Variants in TRPM3 observed in about 807,000 individuals in gnomAD.
TRPM3 encodes long transient receptor potential channel 3.
A neutral mutation model predicts 181.2 loss-of-function variants in TRPM3; 77 were observed. That is an observed-to-expected ratio of 0.42 (90% CI 0.35 to 0.51). TRPM3 has a LOEUF of 0.51. TRPM3 is among the 20% of genes least tolerant of loss of function. TRPM3 has a pLI of 0.01. For missense variants in TRPM3, 1,759 were observed against 2,196.7 expected (o/e 0.80, Z 3.98); for synonymous variants, 745 against 796.4 (o/e 0.94, Z 1.09).
At chr9:71,090,078 C>T (rs2065940813) in intron 1 of TRPM3, among the ~76,000 whole-genome samples, 1 of 152,150 alleles carries the variant, frequency 6.6e-6, no homozygotes, top group Non-Finnish European at 1.5e-5. Flanking sequence ...GACAAGCTTG[C>T]CCTACATTAA....
chr9:70,653,677 C>CAA (rs71507003), intron 9 of TRPM3, among the ~76,000 whole-genome samples: 16 of 103,074 alleles, frequency 1.6e-4, no homozygotes, highest in Admixed American at 2.1e-4. Context: ...CTTCCTGTCT[C>CAA]AAAAAAAAAA....
intron 1 of TRPM3, among the ~76,000 whole-genome samples, chr9:71,350,147 T>C (rs2132660400): frequency 6.6e-6 from 1 of 152,226 alleles, no homozygotes; most frequent in East Asian, 1.9e-4. Context: ...TTGTCCTATC[T>C]GGAGAAATCA....
intron 1 of TRPM3, among the ~76,000 whole-genome samples, chr9:71,314,262 TATC>T (rs2088315175): frequency 6.6e-6 from 1 of 152,132 alleles, no homozygotes; most frequent in Admixed American, 6.6e-5. Context: ...AGAACACAGT[TATC>T]ATATGATTTT....
chr9:70,957,330 C>T lies in TRPM3; in HGVS notation c.178-92819G>A, dbSNP rs779402875. ...TGTACAATTGCAACAACAAAGTCAT[C>T]TTAGAAGGAGAACCCATGAACTGTG... is the stretch of plus-strand genomic sequence containing the variant. On this transcript the variant is annotated intron_variant, in intron 1 of 25. Coordinates refer to ENST00000677713, the MANE Select transcript of TRPM3 (RefSeq NM_001366145.2). Among the ~76,000 whole-genome samples the T allele has an allele frequency of 1.0e-3, 155 of 152,118 alleles. 1 individual carries two copies. The highest frequency in any genetic ancestry group is 1.3e-3 in the Non-Finnish European group (90 of 68,008).
intron 1 of TRPM3, among the ~76,000 whole-genome samples, chr9:70,905,373 A>G (rs1023513630): frequency 1.1e-4 from 17 of 152,208 alleles, no homozygotes; most frequent in African/African-American, 3.6e-4. Flanking sequence ...ATGTAATGAA[A>G]AGTCTCTCTC....
intron 22 of TRPM3, among the ~76,000 whole-genome samples, chr9:70,590,018 T>A (rs765063721): frequency 2.0e-5 from 3 of 152,172 alleles, no homozygotes; most frequent in Non-Finnish European, 4.4e-5. Context: ...CCCTAATCCA[T>A]GTCCACAGTC....
intron 1 of TRPM3, among the ~76,000 whole-genome samples, chr9:71,278,887 T>C (rs1007321862): frequency 6.6e-6 from 1 of 151,962 alleles, no homozygotes; most frequent in East Asian, 1.9e-4. Context: ...AAAATACCAG[T>C]GCCCAACAAG....
chr9:71,350,023 G>A (rs1264450216), intron 1 of TRPM3, among the ~76,000 whole-genome samples: 2 of 148,726 alleles, frequency 1.3e-5, no homozygotes, highest in Admixed American at 6.7e-5. Context: ...AATGACCTGT[G>A]TAGAAGTTAA....
intron 1 of TRPM3, among the ~76,000 whole-genome samples, chr9:71,382,032 A>G (rs187219752): frequency 2.1e-4 from 32 of 152,264 alleles, no homozygotes; most frequent in South Asian, 1.2e-3. Context: ...GAATAGATAA[A>G]TGCATGCATG....
Position 71,060,196 on chromosome 9 carries a change from C to T in TRPM3, c.177+60982G>A, listed in dbSNP as rs74987421. On this transcript the variant is annotated intron_variant, in intron 1 of 25. Coordinates refer to ENST00000677713, the MANE Select transcript of TRPM3 (RefSeq NM_001366145.2). Reference sequence around the variant, plus strand: ...ATAGGATTCCTTTTGAAGCAGTGACCTCCCAGGGACCAGCTTTCTACCATA... The same window carrying T: ...ATAGGATTCCTTTTGAAGCAGTGACTTCCCAGGGACCAGCTTTCTACCATA... Among the ~76,000 whole-genome samples, 263 of 152,170 alleles carry T rather than the reference C, an allele frequency of 1.7e-3. 2 individuals are homozygous for T. The highest frequency in any genetic ancestry group is 5.8e-3 in the African/African-American group (240 of 41,544).
intron 1 of TRPM3, among the ~76,000 whole-genome samples, chr9:71,367,225 G>A (rs2092363539): frequency 6.6e-6 from 1 of 152,152 alleles, no homozygotes; most frequent in Non-Finnish European, 1.5e-5. Flanking sequence ...ATGATCAAGA[G>A]CAACCATGTA....
intron 1 of TRPM3, among the ~76,000 whole-genome samples, chr9:71,138,581 C>G (rs2074911690): frequency 6.6e-6 from 1 of 151,356 alleles, no homozygotes; most frequent in Non-Finnish European, 1.5e-5. Context: ...AATAATAGGT[C>G]CAATTGTTGA....
At chr9:71,204,325 C>T (rs2078991798) in intron 1 of TRPM3, among the ~76,000 whole-genome samples, 1 of 151,536 alleles carries the variant, frequency 6.6e-6, no homozygotes, top group East Asian at 1.9e-4. Context: ...TGACATAGGG[C>T]TAATATCCAG....
At chr9:70,657,582 G>A (rs1320463605) in intron 9 of TRPM3, among the ~76,000 whole-genome samples, 1 of 152,050 alleles carries the variant, frequency 6.6e-6, no homozygotes, top group Non-Finnish European at 1.5e-5. Context: ...CAATTCCTAT[G>A]CCATTATTAT....
chr9:70,961,446 A>C (rs966789359), intron 1 of TRPM3, among the ~76,000 whole-genome samples: 1 of 152,132 alleles, frequency 6.6e-6, no homozygotes, highest in Non-Finnish European at 1.5e-5. Context: ...CTCATCTTCT[A>C]CCTGTCTCTC....
At chr9:71,384,362 T>C (rs773211947) in intron 1 of TRPM3, among the ~76,000 whole-genome samples, 2 of 152,214 alleles carry the variant, frequency 1.3e-5, no homozygotes, top group Admixed American at 6.5e-5. Flanking sequence ...AATCCCTTAT[T>C]TTAACTATAT....
chr9:71,269,530 A>G (rs909500074), intron 1 of TRPM3, among the ~76,000 whole-genome samples: 2 of 152,218 alleles, frequency 1.3e-5, no homozygotes, highest in African/African-American at 2.4e-5. Context: ...ACTACTTTAT[A>G]AAGAGCAAGA....
intron 1 of TRPM3, among the ~76,000 whole-genome samples, chr9:71,228,992 A>C (rs558782615): frequency 6.6e-6 from 1 of 152,306 alleles, no homozygotes; most frequent in East Asian, 1.9e-4. Flanking sequence ...GGAATCACTT[A>C]AGACTCAGAA....
intron 1 of TRPM3, among the ~76,000 whole-genome samples, chr9:70,896,245 A>G (rs977533161): frequency 6.6e-6 from 1 of 152,166 alleles, no homozygotes; most frequent in Non-Finnish European, 1.5e-5. Context: ...CAGCTCAAAA[A>G]TTTTGGAGAT....
Sources: allele counts gnomAD v4.1 joint callset (sites outside exome capture counted in the v4.1 genomes callset), GRCh38; gene constraint gnomAD v4.1.1; transcripts MANE v1.5; gene names NCBI Gene and HGNC (gene_info 2026-07-23, HGNC 2026-07-21).